Variants in P4HA3 observed in about 807,000 individuals in gnomAD.
P4HA3 encodes the protein prolyl 4-hydroxylase subunit alpha-3.
In P4HA3, 60 loss-of-function variants were observed where a neutral mutation model predicts 66.7. The ratio of observed to expected loss-of-function variants is 0.90; its 90% CI spans 0.73 to 1.12. The LOEUF (loss-of-function observed/expected upper bound fraction) is 1.12. Among genes scored for constraint, P4HA3 ranks in the 50% most tolerant of loss-of-function variants. The pLI, the probability that P4HA3 is intolerant of heterozygous loss-of-function variation, is 0.00. For synonymous variants in P4HA3, 263 were observed against 274.6 expected (o/e 0.96, Z 0.42); for missense variants, 683 against 685.8 (o/e 1.00, Z 0.05).
chr11:74,274,785 G>A (rs944972608), intron 9 of P4HA3, among the ~76,000 whole-genome samples: 1 of 152,148 alleles, frequency 6.6e-6, no homozygotes, highest in African/African-American at 2.4e-5. Flanking sequence ...CAAAGTGTCT[G>A]TATAATTTTG....
At chr11:74,273,202 A>G (rs1860266548) in intron 10 of P4HA3, among the ~76,000 whole-genome samples, 1 of 152,152 alleles carries the variant, frequency 6.6e-6, no homozygotes, top group African/African-American at 2.4e-5. Context: ...TTAGTCCATG[A>G]GACCTCAAGG....
At chr11:74,281,837 C>T (rs1860610332) in intron 7 of P4HA3, among the ~76,000 whole-genome samples, 2 of 150,010 alleles carry the variant, frequency 1.3e-5, no homozygotes, top group Admixed American at 1.3e-4. Context: ...AACTAACCTG[C>T]ACAATGTGCA....
intron 8 of P4HA3, 24 bp from the exon 9 acceptor site, chr11:74,277,168 CATCAATG>C (rs1423692755): frequency 1.3e-6 from 2 of 1,591,208 alleles, no homozygotes; most frequent in African/African-American, 2.7e-5. Context: ...CAGATTGAAG[CATCAATG>C]ATCTGTTGCC....
Position 74,301,255 on chromosome 11 carries a change from AG to A in P4HA3, c.567+1113del, listed in dbSNP as rs1379236162. Among the ~76,000 whole-genome samples the A allele has an allele frequency of 2.0e-5, 3 of 152,282 alleles. No homozygotes were observed. The East Asian group carries it at 5.8e-4, about 29-fold the overall frequency. ...TTATGTTCTTTTCTTATATTTGAAAAGTTTTCTCTCTCAAAATAAGTGAATA... is the reference window on the plus strand; with the variant it reads ...TTATGTTCTTTTCTTATATTTGAAAATTTTCTCTCTCAAAATAAGTGAATA... On this transcript the variant is annotated intron_variant, in intron 3 of 12. Transcript: ENST00000331597.
At chr11:74,299,639 T>C (rs954971311) in intron 3 of P4HA3, among the ~76,000 whole-genome samples, 9 of 113,884 alleles carry the variant, frequency 7.9e-5, no homozygotes, top group African/African-American at 3.0e-4. Flanking sequence ...GAATAAACTA[T>C]AAAAAGCGTT....
chr11:74,268,307 C>G, intron 11 of P4HA3, 66 bp from the exon 12 acceptor site: 1 of 1,318,856 alleles, frequency 7.6e-7, no homozygotes, highest in Non-Finnish European at 1.1e-6. Context: ...GAAGCACATA[C>G]TAAGGACAAA....
chr11:74,303,566 C>T (rs1729215018), intron 2 of P4HA3, among the ~76,000 whole-genome samples: 1 of 150,696 alleles, frequency 6.6e-6, no homozygotes, highest in South Asian at 2.1e-4. Flanking sequence ...AACCACTGTG[C>T]CCAGCCCAAA....
At chr11:74,276,956 A>G (rs746960427) in intron 9 of P4HA3, 29 bp downstream of exon 9, 4 of 1,593,032 alleles carry the variant, frequency 2.5e-6, no homozygotes, top group Non-Finnish European at 3.4e-6. Context: ...TCCCTACCCC[A>G]GGGGATTGGT....
chr11:74,297,994 G>C (rs1162265454), intron 4 of P4HA3, among the ~76,000 whole-genome samples: 1 of 152,166 alleles, frequency 6.6e-6, no homozygotes, highest in Non-Finnish European at 1.5e-5. Flanking sequence ...TCTAATCCTA[G>C]GTCTATAAGC....
At chr11:74,306,125 T>C (rs1345101831) in intron 1 of P4HA3, among the ~76,000 whole-genome samples, 1 of 152,040 alleles carries the variant, frequency 6.6e-6, no homozygotes, top group Admixed American at 6.6e-5. Context: ...ACGACAGCGA[T>C]GGAGAATGGA....
intron 1 of P4HA3, among the ~76,000 whole-genome samples, chr11:74,310,811 C>T (rs1206045248): frequency 6.6e-6 from 1 of 152,232 alleles, no homozygotes; most frequent in East Asian, 1.9e-4. Flanking sequence ...ATGTAAACCT[C>T]ACATATGGTG....
At chr11:74,295,069 C>T (rs1451491624) in intron 4 of P4HA3, among the ~76,000 whole-genome samples, 5 of 152,162 alleles carry the variant, frequency 3.3e-5, no homozygotes, top group African/African-American at 9.7e-5. Context: ...CTCCTCCCCC[C>T]GTGCCCTCAA....
chr11:74,283,005 G>A (rs1860660703), intron 7 of P4HA3, among the ~76,000 whole-genome samples: 2 of 152,148 alleles, frequency 1.3e-5, no homozygotes, highest in South Asian at 4.1e-4. Context: ...AGAGAGAAGT[G>A]ATGAGTGAGT....
intron 4 of P4HA3, among the ~76,000 whole-genome samples, chr11:74,295,583 G>A (rs1415395646): frequency 6.6e-6 from 1 of 152,088 alleles, no homozygotes; most frequent in Non-Finnish European, 1.5e-5. Flanking sequence ...AAGTACTTTG[G>A]ATAATATATA....
downstream of P4HA3, among the ~76,000 whole-genome samples, chr11:74,262,253 C>T (rs1051019356): frequency 6.6e-6 from 1 of 152,176 alleles, no homozygotes; most frequent in African/African-American, 2.4e-5. Context: ...TTACACCAGG[C>T]TACCCATTTC....
intron 1 of P4HA3, among the ~76,000 whole-genome samples, chr11:74,307,992 T>TTA (rs1466941671): frequency 5.9e-5 from 9 of 152,152 alleles, no homozygotes; most frequent in Non-Finnish European, 1.2e-4. Context: ...TAAACTCTTT[T>TTA]TATATATATA....
At chr11:74,264,851 C>T (rs1859965004), downstream of P4HA3, among the ~76,000 whole-genome samples, 1 of 152,208 alleles carries the variant, frequency 6.6e-6, no homozygotes, top group South Asian at 2.1e-4. Context: ...ACCCACTGAG[C>T]CCAGGGCCTG....
At chr11:74,296,260 T>C (rs1861208977) in intron 4 of P4HA3, among the ~76,000 whole-genome samples, 1 of 152,218 alleles carries the variant, frequency 6.6e-6, no homozygotes, top group Non-Finnish European at 1.5e-5. Flanking sequence ...CTAAATAAGT[T>C]GCCTATGTTT....
intron 10 of P4HA3, among the ~76,000 whole-genome samples, chr11:74,272,219 TACACAC>T (rs10534821): frequency 3.3e-4 from 49 of 150,502 alleles, no homozygotes; most frequent in Admixed American, 4.6e-4. Context: ...TGCACACACA[TACACAC>T]ACACACACAC....
Sources: gnomAD v4.1 joint callset for allele counts (sites outside exome capture counted in the v4.1 genomes callset) on GRCh38, gnomAD v4.1.1 for gene constraint, MANE v1.5 for transcripts, NCBI Gene and HGNC (gene_info 2026-07-23, HGNC 2026-07-21) for gene names.